Variants in DLC1 observed in about 807,000 individuals in gnomAD.
The protein encoded by DLC1 is DLC1 Rho GTPase activating protein.
A neutral mutation model predicts 140.3 loss-of-function variants in DLC1; 54 were observed. The ratio of observed to expected loss-of-function variants is 0.38; its 90% CI spans 0.31 to 0.48. The LOEUF (loss-of-function observed/expected upper bound fraction) is 0.48. DLC1 is among the 20% of genes least tolerant of loss of function. The pLI is 0.96. For missense variants in DLC1, 2,536 were observed against 1,907.0 expected (o/e 1.33, Z -6.14); for synonymous variants, 986 against 728.1 (o/e 1.35, Z -5.70).
At chr8:13,094,156 G>T (rs1212731668) in intron 12 of DLC1, among the ~76,000 whole-genome samples, 1 of 152,144 alleles carries the variant, frequency 6.6e-6, no homozygotes, top group African/African-American at 2.4e-5. Flanking sequence ...ATCTTTATCT[G>T]ACCAGCTCAG....
At chr8:13,278,794 A>C (rs894647348) in intron 5 of DLC1, among the ~76,000 whole-genome samples, 14 of 152,216 alleles carry the variant, frequency 9.2e-5, no homozygotes, top group African/African-American at 3.4e-4. Flanking sequence ...GGAAATAAGC[A>C]TTCATTAAGT....
intron 1 of DLC1, among the ~76,000 whole-genome samples, chr8:13,509,211 A>G (rs1433343768): frequency 6.6e-6 from 1 of 152,164 alleles, no homozygotes; most frequent in East Asian, 1.9e-4. Flanking sequence ...TTCTAAGAAC[A>G]CTCCAACAGT....
intron 5 of DLC1, among the ~76,000 whole-genome samples, chr8:13,290,915 T>G (rs1831731292): frequency 6.6e-6 from 1 of 152,140 alleles, no homozygotes; most frequent in South Asian, 2.1e-4. Flanking sequence ...AGACATATCT[T>G]GTTTTTCTTT....
At chr8:13,459,608 G>A (rs1315709332) in intron 2 of DLC1, among the ~76,000 whole-genome samples, 1 of 152,210 alleles carries the variant, frequency 6.6e-6, no homozygotes, top group East Asian at 1.9e-4. Flanking sequence ...GGTGAGCCCT[G>A]GGCCCCAGGA....
intron 2 of DLC1, among the ~76,000 whole-genome samples, chr8:13,412,752 G>A (rs1227071616): frequency 6.6e-6 from 1 of 151,940 alleles, no homozygotes; most frequent in Admixed American, 6.6e-5. Context: ...CTAACACGGT[G>A]AAACCCCGTC....
chr8:13,294,920 T>C (rs533304267), intron 5 of DLC1, among the ~76,000 whole-genome samples: 3 of 152,322 alleles, frequency 2.0e-5, no homozygotes, highest in East Asian at 3.9e-4. Flanking sequence ...TAATTGAGTT[T>C]ATGTCTATAA....
At chr8:13,110,436 T>A (rs1039404532) in intron 7 of DLC1, among the ~76,000 whole-genome samples, 4 of 152,184 alleles carry the variant, frequency 2.6e-5, no homozygotes, top group African/African-American at 7.2e-5. Flanking sequence ...CATCGTACCC[T>A]TTTAGGAAAC....
chr8:13,451,037 CAAAAAA>C (rs1169620786), intron 2 of DLC1, among the ~76,000 whole-genome samples: 65 of 18,318 alleles, frequency 3.5e-3, no homozygotes, highest in African/African-American at 6.3e-3. Context: ...GACTCCGTCT[CAAAAAA>C]AAAAAAAAAA....
intron 4 of DLC1, among the ~76,000 whole-genome samples, chr8:13,392,169 C>T (rs1836791637): frequency 6.6e-6 from 1 of 152,142 alleles, no homozygotes; most frequent in Non-Finnish European, 1.5e-5. Context: ...TCTAGTTCCT[C>T]CTATTCCCAA....
chr8:13,370,570 C>T (rs1296367209), intron 4 of DLC1, among the ~76,000 whole-genome samples: 1 of 152,186 alleles, frequency 6.6e-6, no homozygotes, highest in Non-Finnish European at 1.5e-5. Context: ...AGGGCTGTTC[C>T]TCCCATAAAG....
At chr8:13,400,549 T>A (rs1341145305) in intron 3 of DLC1, among the ~76,000 whole-genome samples, 3 of 152,170 alleles carry the variant, frequency 2.0e-5, no homozygotes, top group African/African-American at 7.2e-5. Flanking sequence ...GGCTGATGTG[T>A]GCAATATAAA....
intron 1 of DLC1, among the ~76,000 whole-genome samples, chr8:13,538,376 A>G (rs1027767878): frequency 4.6e-5 from 7 of 152,150 alleles, no homozygotes; most frequent in South Asian, 2.1e-4. Context: ...TATAAAAAAA[A>G]AAAACAGCAT....
intron 2 of DLC1, among the ~76,000 whole-genome samples, chr8:13,489,412 TACACACACACACACACAC>T (rs10558551): frequency 7.6e-6 from 1 of 132,272 alleles, no homozygotes; most frequent in Non-Finnish European, 1.6e-5. Context: ...ACACACACCA[TACACACACACACACACAC>T]ACACACACAC....
intron 2 of DLC1, among the ~76,000 whole-genome samples, chr8:13,419,792 C>T (rs1454592837): frequency 3.3e-5 from 5 of 152,114 alleles, no homozygotes; most frequent in African/African-American, 7.2e-5. Flanking sequence ...GGAATGGTAC[C>T]AGTTCCTCCT....
chr8:13,373,412 A>G (rs921773), intron 4 of DLC1, among the ~76,000 whole-genome samples: 34,487 of 152,082 alleles, frequency 0.23, 4,646 homozygotes, highest in Admixed American at 0.28. Flanking sequence ...TCTCGGATGT[A>G]CAGGACAAAG....
upstream of DLC1, among the ~76,000 whole-genome samples, chr8:13,518,704 ATATGTT>A (rs1802672566): frequency 1.3e-5 from 2 of 152,236 alleles, 1 homozygote; most frequent in Admixed American, 1.3e-4. Flanking sequence ...TTGTTAATGA[ATATGTT>A]TATAATAGCA....
intron 5 of DLC1, among the ~76,000 whole-genome samples, chr8:13,206,324 GA>G (rs1827662303): frequency 6.6e-6 from 1 of 152,080 alleles, no homozygotes; most frequent in South Asian, 2.1e-4. Flanking sequence ...CATTGCAAAA[GA>G]TCTGAATAAA....
intron 1 of DLC1, among the ~76,000 whole-genome samples, chr8:13,506,567 A>ACG (rs1491321792): frequency 2.2e-4 from 25 of 111,800 alleles, no homozygotes; most frequent in African/African-American, 8.5e-4. Flanking sequence ...ACACACACAC[A>ACG]TGTGTGTGTG....
intron 4 of DLC1, chr8:13,339,316 C>T (rs28570201): frequency 5.9e-5 from 9 of 152,158 alleles, no homozygotes; most frequent in Non-Finnish European, 1.3e-4. Context: ...CGACAACCTT[C>T]TAGGGTATTT....
Sources: gnomAD v4.1 joint callset for allele counts (sites outside exome capture counted in the v4.1 genomes callset) on GRCh38, gnomAD v4.1.1 for gene constraint, MANE v1.5 for transcripts, NCBI Gene and HGNC (gene_info 2026-07-23, HGNC 2026-07-21) for gene names.